FERMT2: variants seen among roughly 807,000 people sequenced by gnomAD.
FERMT2 encodes the protein fermitin family homolog 2.
A neutral mutation model predicts 82.7 loss-of-function variants in FERMT2; 15 were observed. The observed-to-expected ratio is 0.18, with a 90% CI of 0.12 to 0.28. The LOEUF is 0.28. Among genes scored for constraint, FERMT2 ranks in the 10% least tolerant of loss-of-function variants. The pLI is 1.00. For synonymous variants in FERMT2, 274 were observed against 271.5 expected, an observed-to-expected ratio of 1.01 and a Z score of -0.09; for missense variants, 645 against 809.4, an observed-to-expected ratio of 0.80 and a Z score of 2.46.
intron 3 of FERMT2, among the ~76,000 whole-genome samples, chr14:52,913,529 C>G (rs1888442717): frequency 6.6e-6 from 1 of 152,170 alleles, no homozygotes; most frequent in Non-Finnish European, 1.5e-5. Flanking sequence ...CAACTGCCTG[C>G]ACTCTATCTA....
chr14:52,942,594 G>A (rs966700494), intron 2 of FERMT2, among the ~76,000 whole-genome samples: 3 of 151,740 alleles, frequency 2.0e-5, no homozygotes, highest in Non-Finnish European at 4.4e-5. Context: ...GAGCCACCCC[G>A]CCCGCCCCAA....
At chr14:52,884,409 C>G (rs1206992212) in intron 4 of FERMT2, among the ~76,000 whole-genome samples, 1 of 152,062 alleles carries the variant, frequency 6.6e-6, no homozygotes, top group Non-Finnish European at 1.5e-5. Context: ...CGAGACCAGC[C>G]TGGCCAACAT....
chr14:52,937,741 T>C (rs1005956645), intron 2 of FERMT2, among the ~76,000 whole-genome samples: 1 of 152,212 alleles, frequency 6.6e-6, no homozygotes, highest in African/African-American at 2.4e-5. Flanking sequence ...CTCTATAACC[T>C]ACCAAAAATA....
At chr14:52,917,842 G>A (rs1888702456) in intron 3 of FERMT2, among the ~76,000 whole-genome samples, 1 of 152,220 alleles carries the variant, frequency 6.6e-6, no homozygotes, top group African/African-American at 2.4e-5. Flanking sequence ...ACAGGCATAA[G>A]CAGCAGGCAG....
chr14:52,899,306 G>A (rs1049564649), intron 3 of FERMT2, among the ~76,000 whole-genome samples: 2 of 151,688 alleles, frequency 1.3e-5, no homozygotes, highest in Non-Finnish European at 2.9e-5. Flanking sequence ...TTTTTGAGAC[G>A]GAGTCTTGCT....
intron 10 of FERMT2, among the ~76,000 whole-genome samples, chr14:52,866,532 C>T (rs979379141): frequency 6.6e-6 from 1 of 152,262 alleles, no homozygotes; most frequent in South Asian, 2.1e-4. Context: ...GTAAATAAAT[C>T]CCTCTAACTT....
chr14:52,911,092 T>C (rs570708606), intron 3 of FERMT2, among the ~76,000 whole-genome samples: 51 of 152,332 alleles, frequency 3.3e-4, no homozygotes, highest in African/African-American at 1.2e-3. Context: ...TTTCCCATAA[T>C]GTAATTCCGG....
intron 2 of FERMT2, among the ~76,000 whole-genome samples, chr14:52,928,722 A>G (rs1264184755): frequency 6.6e-6 from 1 of 152,122 alleles, no homozygotes; most frequent in African/African-American, 2.4e-5. Flanking sequence ...CCTCCTTCTC[A>G]GTAGACAACC....
chr14:52,910,460 T>G (rs1888253218), intron 3 of FERMT2, among the ~76,000 whole-genome samples: 1 of 152,098 alleles, frequency 6.6e-6, no homozygotes, highest in African/African-American at 2.4e-5. Flanking sequence ...AGAAGGCTCT[T>G]CATTTGTGAA....
chr14:52,858,308 C>A lies in FERMT2; in HGVS notation c.*69G>T. 1 of 1,341,312 alleles carries A rather than the reference C, an allele frequency of 7.5e-7. No homozygotes were observed. Among genetic ancestry groups the A allele is most frequent in the Admixed American group, 1.8e-5 (1 of 55,934 alleles). The allele number at this position is 1,341,312 out of a possible 1,614,324, so 83.1% of individuals were successfully genotyped here. A position where few individuals can be genotyped will look rare whatever the true frequency, so the allele number is the denominator to read the frequency against. On this transcript the variant is annotated 3_prime_UTR_variant, in exon 15 of 15. Coordinates refer to ENST00000341590, the MANE Select transcript of FERMT2 (RefSeq NM_006832.3). The stretch of plus-strand genomic sequence containing the variant: ...ATTTCAAGCTTACTTTATTAAGCAG[C>A]ATATAACAAACAGCTTTTAAAGTTA...
At position 52,919,264 on chromosome 14, in the gene FERMT2, T is replaced by C. The variant is rs753860207; in HGVS notation, c.250A>G (p.Ile84Val). 8 of 1,614,128 alleles carry C rather than the reference T, an allele frequency of 5.0e-6. No individual in the cohort carries two copies. Among genetic ancestry groups the C allele is most frequent in the Non-Finnish European group, 5.1e-6 (6 of 1,179,964 alleles). ...AACTGAAGCTTAGCATCTGCCTGAA[T>C]ACCATACTTATCTAAGGTCCAATGT... ...KTHWTLDKYG[I>V]QADAKLQFTP... The change falls in exon 3 of 15, where the codon ATT (isoleucine) becomes GTT (valine). Residue 84 changes from isoleucine (I) to valine (V), a missense_variant. Physicochemically the swap from Ile to Val is conservative, Grantham distance 29. Coordinates refer to ENST00000341590, the MANE Select transcript of FERMT2 (RefSeq NM_006832.3).
At chr14:52,869,444 C>T (rs891277707) in intron 10 of FERMT2, among the ~76,000 whole-genome samples, 5 of 152,276 alleles carry the variant, frequency 3.3e-5, no homozygotes, top group Middle Eastern at 3.4e-3. Flanking sequence ...TATACAGTCA[C>T]GCATTGCATA....
intron 4 of FERMT2, among the ~76,000 whole-genome samples, 171 bp downstream of exon 4, chr14:52,893,122 A>T (rs1265643447): frequency 6.6e-6 from 1 of 152,124 alleles, no homozygotes; most frequent in Non-Finnish European, 1.5e-5. Context: ...TCAGCCTCCC[A>T]AGTAGCTGGG....
chr14:52,919,980 A>G (rs963769018), intron 2 of FERMT2, among the ~76,000 whole-genome samples: 2 of 152,244 alleles, frequency 1.3e-5, no homozygotes, highest in South Asian at 2.1e-4. Context: ...AAATGGATCT[A>G]AAGTCACACT....
intron 2 of FERMT2, among the ~76,000 whole-genome samples, chr14:52,946,378 C>A (rs1158984527): frequency 6.7e-6 from 1 of 149,370 alleles, no homozygotes; most frequent in Non-Finnish European, 1.5e-5. Flanking sequence ...AAAAAACAGG[C>A]ATGGCAGCTC....
rs114042874 is a variant in FERMT2, at chr14:52,936,788, G to C, written c.157+13624C>G. Reference sequence around the variant, plus strand: ...ATCCTATCCTATATGCTAGGTTCCAGTTGCCCAGTACAGAATCCTATAACT... The same window carrying C: ...ATCCTATCCTATATGCTAGGTTCCACTTGCCCAGTACAGAATCCTATAACT... On this transcript the variant is annotated intron_variant, in intron 2 of 14. Coordinates refer to ENST00000341590, the MANE Select transcript of FERMT2 (RefSeq NM_006832.3). 9.2e-3 allele frequency among the ~76,000 whole-genome samples: 1,405 copies of C among 152,176 alleles called. 22 individuals are homozygous for C. Among genetic ancestry groups the C allele is most frequent in the African/African-American group, 0.032 (1,321 of 41,498 alleles).
At chr14:52,920,884 G>A (rs1888920270) in intron 2 of FERMT2, among the ~76,000 whole-genome samples, 1 of 151,968 alleles carries the variant, frequency 6.6e-6, no homozygotes, top group African/African-American at 2.4e-5. Flanking sequence ...GTAGATCAAG[G>A]TTGCAGTGAG....
rs1048200241 is a variant in FERMT2, at chr14:52,893,838, T to G, written c.392-411A>C. Among the ~76,000 whole-genome samples, 11 of 152,118 alleles carry G rather than the reference T, an allele frequency of 7.2e-5. No individual in the cohort carries two copies. The East Asian group carries it at 1.2e-3, about 16-fold the overall frequency. ...ATTACCAAATCCCAGTTTTGTTTTTTTTTTTTTGAGACGGAGTTTCACTCT... is the reference window on the plus strand; with the variant it reads ...ATTACCAAATCCCAGTTTTGTTTTTGTTTTTTTGAGACGGAGTTTCACTCT... On this transcript the variant is annotated intron_variant, in intron 3 of 14. Transcript: ENST00000341590.
chr14:52,902,159 G>A (rs1432013037), intron 3 of FERMT2, among the ~76,000 whole-genome samples: 3 of 152,090 alleles, frequency 2.0e-5, no homozygotes, highest in African/African-American at 4.8e-5. Context: ...TTGGGAGGCC[G>A]AGGTGGGTGG....
Sources: allele counts gnomAD v4.1 joint callset (sites outside exome capture counted in the v4.1 genomes callset), GRCh38; gene constraint gnomAD v4.1.1; transcripts MANE v1.5; gene names NCBI Gene and HGNC (gene_info 2026-07-23, HGNC 2026-07-21).